Variants in ACTR8 observed in about 807,000 individuals in gnomAD.
ACTR8 encodes actin-related protein 8.
In ACTR8, 70 loss-of-function variants were observed where a neutral mutation model predicts 84.3. The ratio of observed to expected loss-of-function variants is 0.83; its 90% confidence interval spans 0.68 to 1.01. The LOEUF is 1.01. Among genes scored for constraint, ACTR8 ranks in the 50% least tolerant of loss-of-function variants. The pLI, the probability that ACTR8 is intolerant of heterozygous loss-of-function variation, is 0.00. For synonymous variants in ACTR8, 268 were observed against 275.2 expected, an observed-to-expected ratio of 0.97 and a Z score of 0.26; for missense variants, 672 against 775.4, an observed-to-expected ratio of 0.87 and a Z score of 1.58.
intron 12 of ACTR8, 56 bp from the exon 13 acceptor site, chr3:53,868,918 T>C: frequency 1.3e-6 from 2 of 1,567,020 alleles, no homozygotes; most frequent in Non-Finnish European, 1.7e-6. Flanking sequence ...TACTCAATCA[T>C]TTACTTGAAT....
In ACTR8 at chr3:53,872,432, A is replaced by C. The variant is rs748003248; in HGVS notation, c.1254T>G (p.Asp418Glu). The C allele has an allele frequency of 6.2e-7, 1 of 1,611,298 alleles. No individual in the cohort carries two copies. Among genetic ancestry groups the C allele is most frequent in the Non-Finnish European group, 8.5e-7 (1 of 1,179,118 alleles). Residue 418 changes from aspartate (D) to glutamate (E), a missense_variant, in exon 10 of 13, where the codon GAT becomes GAG. Coordinates refer to ENST00000335754, the MANE Select transcript of ACTR8 (RefSeq NM_022899.5). ...LQHRSQGDPE[D>E]PHDEHYLLAT... is the part of the protein sequence containing the mutation. ...CCAGCAGGTAATGTTCATCGTGAGG[A>C]TCCTCAGGATCGCCCTGAGATCTGT...
chr3:53,879,486 A>AT (rs144952709), intron 2 of ACTR8, among the ~76,000 whole-genome samples: 3 of 150,892 alleles, frequency 2.0e-5, no homozygotes, highest in East Asian at 1.9e-4. Context: ...CTGCAAGAAA[A>AT]TTTTTTTTTT....
downstream of ACTR8, among the ~76,000 whole-genome samples, chr3:53,863,505 G>T (rs148908020): frequency 5.3e-5 from 8 of 152,328 alleles, no homozygotes; most frequent in African/African-American, 1.9e-4. Context: ...TCTAAGCTAA[G>T]AAAGCCACAG....
At chr3:53,866,066 C>G (rs2107039194), downstream of ACTR8, among the ~76,000 whole-genome samples, 1 of 152,304 alleles carries the variant, frequency 6.6e-6, no homozygotes, top group Non-Finnish European at 1.5e-5. Flanking sequence ...TTGAAGTAAC[C>G]TTTTTATAAA....
Position 53,870,375 on chromosome 3 carries a change from G to A in ACTR8, c.1568-230C>T, listed in dbSNP as rs967789504. 3.2e-5 allele frequency: 17 copies of A among 533,520 alleles called. No individual in the cohort carries two copies. Among genetic ancestry groups the A allele is most frequent in the African/African-American group, 1.1e-4 (6 of 52,776 alleles). 33.0% of individuals were successfully genotyped at this position (533,520 alleles called of 1,614,324 possible). ...AGGATCAAAATCTTTAAAGGAGGCC[G>A]AGCATGGTGGCTCACGCCTGTAATC... On this transcript the variant is annotated intron_variant, in intron 11 of 12. Transcript: ENST00000335754. This position sits in a 1 kb window ranked among gnomAD's most constrained non-coding sequence, Gnocchi z 4.1.
chr3:53,861,296 C>T, the ACTR8 span: 2 of 149,706 alleles, frequency 1.3e-5, no homozygotes, highest in Admixed American at 1.3e-4. Context: ...GCAAAAAAAA[C>T]TTTTTTTTTT....
At chr3:53,861,138 A>G in the ACTR8 span, 10 of 152,184 alleles carry the variant, frequency 6.6e-5, no homozygotes, top group Non-Finnish European at 1.2e-4. Flanking sequence ...AGTAAATTAC[A>G]TATCACAGTA....
chr3:53,872,303 A>T, intron 10 of ACTR8, 81 bp downstream of exon 10: 1 of 1,400,814 alleles, frequency 7.1e-7, no homozygotes. Context: ...GATAGAACTG[A>T]TTACAATGGC....
At chr3:53,871,627 C>A in intron 10 of ACTR8, 131 bp from the exon 11 acceptor site, 1 of 1,019,896 alleles carries the variant, frequency 9.8e-7, no homozygotes, top group Non-Finnish European at 1.4e-6. Context: ...AACTGCCCAG[C>A]ACCCATTCCC....
At chr3:53,862,285 G>A (rs1183217796), downstream of ACTR8, among the ~76,000 whole-genome samples, 2 of 152,074 alleles carry the variant, frequency 1.3e-5, no homozygotes, top group Non-Finnish European at 2.9e-5. Flanking sequence ...GGACCTTCAA[G>A]GCTCATTACA....
chr3:53,859,317 G>T, the ACTR8 span: 1 of 152,778 alleles, frequency 6.5e-6, no homozygotes, highest in African/African-American at 2.4e-5. Flanking sequence ...TGGAGTTAGA[G>T]ATGTGTTAGC....
In ACTR8 at chr3:53,869,473, C is replaced by A. The variant is rs1485712728; in HGVS notation, c.1731+509G>T. 4.6e-5 allele frequency among the ~76,000 whole-genome samples: 7 copies of A among 152,124 alleles called. No individual in the cohort carries two copies. The South Asian group carries it at 1.2e-3, about 27-fold the overall frequency. On this transcript the variant is annotated intron_variant, in intron 12 of 12. Transcript: ENST00000335754. ...CAGTTTGAGTGGAATAAATAGATCC[C>A]CACAATCCCTCCCTCAGGATTAAAA...
downstream of ACTR8, chr3:53,865,320 G>A: frequency 6.3e-7 from 1 of 1,592,250 alleles, no homozygotes; most frequent in South Asian, 1.1e-5. Flanking sequence ...CCACCCATGA[G>A]AAGCAAGAGA....
Position 53,873,049 on chromosome 3 carries a change from C to T in ACTR8, c.1144G>A (p.Gly382Arg). 6.2e-7 allele frequency: 1 copy of T among 1,610,404 alleles called. No individual in the cohort carries two copies. Among genetic ancestry groups the T allele is most frequent in the Non-Finnish European group, 8.5e-7 (1 of 1,177,734 alleles). Residue 382 changes from glycine (G) to arginine (R), a missense_variant, in exon 9 of 13, where the codon GGA (glycine) becomes AGA (arginine). Gly to Arg is a moderately radical substitution (Grantham distance 125). Transcript: ENST00000335754. ...TAAGTTACCTGCAGTTTTTCATCTC[C>T]TAATCGAAACTGGTAAAGCAGGGCA... ...SPALLYQFRLGDEKLQAPMAL... is the reference protein window; with the variant it reads ...SPALLYQFRLRDEKLQAPMAL...
intron 5 of ACTR8, 42 bp downstream of exon 5, chr3:53,877,172 G>C (rs770993456): frequency 1.3e-6 from 2 of 1,531,782 alleles, no homozygotes; most frequent in Non-Finnish European, 1.8e-6. Flanking sequence ...CATTGACCAA[G>C]AATCTTAAAA....
At chr3:53,878,245 T>G in intron 3 of ACTR8, 112 bp downstream of exon 3, 1 of 878,250 alleles carries the variant, frequency 1.1e-6, no homozygotes, top group East Asian at 2.5e-5. Context: ...GTTTTCTTCC[T>G]TTTTAAGGAA....
At position 53,876,083 on chromosome 3, in the gene ACTR8, G is replaced by GT. The variant is rs199573495; in HGVS notation, c.779-4_779-3insA. The GT allele has an allele frequency of 1.0e-5, 16 of 1,546,288 alleles. No individual in the cohort carries two copies. Among genetic ancestry groups the GT allele is most frequent in the South Asian group, 6.8e-5 (6 of 87,880 alleles). On this transcript the variant is annotated splice_region_variant and splice_polypyrimidine_tract_variant and intron_variant, in intron 6 of 12. Transcript: ENST00000335754. The stretch of plus-strand genomic sequence containing the variant: ...AGACTCCTGATGGACCACAATCCCT[G>GT]GGGGGGGAAAAGAAAAGGCAGAGTA...
intron 7 of ACTR8, 98 bp downstream of exon 7, chr3:53,875,849 GT>G (rs1553706691): frequency 1.8e-5 from 27 of 1,517,662 alleles, no homozygotes; most frequent in Non-Finnish European, 4.5e-6. Flanking sequence ...TGAATTTATG[GT>G]TATCTTATAA....
the ACTR8 span, chr3:53,859,355 T>C: frequency 6.5e-6 from 1 of 152,682 alleles, no homozygotes; most frequent in South Asian, 2.1e-4. Flanking sequence ...AGAAATACAA[T>C]GTTTACACAA....
Sources: gnomAD v4.1 joint callset for allele counts (sites outside exome capture counted in the v4.1 genomes callset) on GRCh38, gnomAD v4.1.1 for gene constraint, Gnocchi (gnomAD v3.1) non-coding constraint, MANE v1.5 for transcripts, NCBI Gene and HGNC (gene_info 2026-07-23, HGNC 2026-07-21) for gene names.